JADE1: variants seen among roughly 807,000 people sequenced by gnomAD.
JADE1 encodes the protein jade family PHD finger 1.
Under a neutral mutation model 81.8 loss-of-function variants are expected in JADE1, and 14 were observed. The observed-to-expected ratio is 0.17, with a 90% CI of 0.11 to 0.27. The LOEUF (loss-of-function observed/expected upper bound fraction) is 0.27, where lower values mean the gene tolerates loss of function less well. Among genes scored for constraint, JADE1 ranks in the 10% least tolerant of loss-of-function variants. The probability of loss-of-function intolerance (pLI) is 1.00; values close to 1 mark genes in which losing one functional copy is unlikely to be tolerated. For missense variants in JADE1, 690 were observed against 1,047.9 expected, an observed-to-expected ratio of 0.66 and a Z score of 4.71; for synonymous variants, 353 against 391.9, an observed-to-expected ratio of 0.90 and a Z score of 1.17.
intron 2 of JADE1, among the ~76,000 whole-genome samples, chr4:128,832,118 G>A (rs1728609090): frequency 6.6e-6 from 1 of 152,198 alleles, no homozygotes; most frequent in African/African-American, 2.4e-5. Flanking sequence ...CTTCGCAGTT[G>A]CGCTTTATGA....
chr4:128,858,502 A>G (rs17013844), intron 8 of JADE1, among the ~76,000 whole-genome samples: 3,342 of 152,218 alleles, frequency 0.022, 102 homozygotes, highest in African/African-American at 0.072. Flanking sequence ...CTCCGAGAGC[A>G]TGGTCATCCT....
chr4:128,868,367 T>G (rs1731938215), intron 10 of JADE1, among the ~76,000 whole-genome samples: 1 of 152,350 alleles, frequency 6.6e-6, no homozygotes, highest in African/African-American at 2.4e-5. Flanking sequence ...ATATTCAGCC[T>G]TGGGCTCTAT....
At chr4:128,824,406 A>G (rs1383080609) in intron 1 of JADE1, among the ~76,000 whole-genome samples, 1 of 150,320 alleles carries the variant, frequency 6.7e-6, no homozygotes. Context: ...TGACAGAGCG[A>G]GACTCCAACT....
At chr4:128,845,992 T>G (rs146039711) in intron 3 of JADE1, among the ~76,000 whole-genome samples, 327 of 152,040 alleles carry the variant, frequency 2.2e-3, no homozygotes, top group African/African-American at 7.6e-3. Context: ...ACATGGTTAG[T>G]GGAGTTATAT....
chr4:128,873,151 C>T lies in JADE1; in HGVS notation c.*889C>T, dbSNP rs974482569. ...AGTACAGTGGCTACTCAAGTTCAAG[C>T]GAAGAACTTCCAGACTCTGGTGACT... On this transcript the variant is annotated 3_prime_UTR_variant, in exon 11 of 11. Transcript: ENST00000226319. 100 of 201,404 alleles carry T rather than the reference C, an allele frequency of 5.0e-4. No homozygotes were observed. Among genetic ancestry groups the T allele is most frequent in the Non-Finnish European group, 7.7e-4 (72 of 94,014 alleles). The allele number at this position is 201,404 out of a possible 1,614,324, so 12.5% of individuals were successfully genotyped here.
rs908408482 is a variant in JADE1 at position 128,875,164 on chromosome 4, A to G, written c.*2902A>G. 1 of 152,588 alleles carries G rather than the reference A, an allele frequency of 6.6e-6. No individual in the cohort carries two copies. The highest frequency in any genetic ancestry group is 1.5e-5 in the Non-Finnish European group (1 of 68,020). The allele number at this position is 152,588 out of a possible 1,614,324, so 9.5% of individuals were successfully genotyped here. Reference sequence around the variant, plus strand: ...GACAGCTGTATTTTTTTGTTGAACTATTTAGTAGAATTGTGCCTTTTTGTC... The same window carrying G: ...GACAGCTGTATTTTTTTGTTGAACTGTTTAGTAGAATTGTGCCTTTTTGTC... On this transcript the variant is annotated 3_prime_UTR_variant, in exon 11 of 11. Coordinates refer to ENST00000226319, the MANE Select transcript of JADE1 (RefSeq NM_199320.4).
rs990950874 is a variant in JADE1, at chr4:128,874,135, G to A, written c.*1873G>A. On this transcript the variant is annotated 3_prime_UTR_variant, in exon 11 of 11. Coordinates refer to ENST00000226319, the MANE Select transcript of JADE1 (RefSeq NM_199320.4). ...TAGAAGGTTCTTATGAATCCAAGTT[G>A]TATATTCACTTGTAGGATAATTTAA... is the stretch of plus-strand genomic sequence containing the variant. The A allele has an allele frequency of 6.6e-6, 1 of 152,572 alleles. No individual in the cohort carries two copies. The highest frequency in any genetic ancestry group is 2.4e-5 in the African/African-American group (1 of 41,438). 9.5% of individuals were successfully genotyped at this position (152,572 alleles called of 1,614,324 possible). A position where few individuals can be genotyped will look rare whatever the true frequency, so the allele number is the denominator to read the frequency against.
intron 10 of JADE1, among the ~76,000 whole-genome samples, chr4:128,869,887 T>C (rs1041161732): frequency 1.3e-5 from 2 of 152,234 alleles, no homozygotes; most frequent in East Asian, 1.9e-4. Flanking sequence ...CGTGTTCTTA[T>C]TCATGCCTAA....
chr4:128,811,790 T>C (rs940898810), intron 1 of JADE1: 1 of 150,516 alleles, frequency 6.6e-6, no homozygotes, highest in African/African-American at 2.4e-5. Flanking sequence ...CGCAGGCGTT[T>C]GTTTGTTGGT....
At chr4:128,862,277 A>C in intron 9 of JADE1, 52 bp downstream of exon 9, 3 of 1,609,620 alleles carry the variant, frequency 1.9e-6, no homozygotes, top group Non-Finnish European at 2.5e-6. Context: ...AGATGCAAAG[A>C]GGCGAACGCT....
chr4:128,846,308 C>A lies in JADE1; in HGVS notation c.139-67C>A. 1 of 1,445,046 alleles carries A rather than the reference C, an allele frequency of 6.9e-7. No individual in the cohort carries two copies. Among genetic ancestry groups the A allele is most frequent in the Non-Finnish European group, 9.6e-7 (1 of 1,036,906 alleles). The allele number at this position is 1,445,046 out of a possible 1,614,324, so 89.5% of individuals were successfully genotyped here. On this transcript the variant is annotated intron_variant, in intron 3 of 10. Coordinates refer to ENST00000226319, the MANE Select transcript of JADE1 (RefSeq NM_199320.4). This position sits in a 1 kb window ranked among gnomAD's most constrained non-coding sequence, Gnocchi z 4.0. ...ACATGGCAGCTCCATGGTTACATTG[C>A]AGCTGCCAGCACTCTGAATAAGAAT...
chr4:128,852,597 A>AAGAAC (rs113184157), intron 6 of JADE1, among the ~76,000 whole-genome samples: 22 of 152,376 alleles, frequency 1.4e-4, no homozygotes, highest in African/African-American at 4.8e-4. Flanking sequence ...TTTAGGTATT[A>AAGAAC]AGAACACTGA....
intron 4 of JADE1, among the ~76,000 whole-genome samples, chr4:128,847,808 A>T (rs1729993299): frequency 6.6e-6 from 1 of 151,948 alleles, no homozygotes; most frequent in African/African-American, 2.4e-5. Flanking sequence ...AGATAAAATC[A>T]CTCCCGTAAT....
intron 2 of JADE1, among the ~76,000 whole-genome samples, chr4:128,839,438 T>G (rs1729246711): frequency 6.6e-6 from 1 of 152,214 alleles, no homozygotes; most frequent in African/African-American, 2.4e-5. Flanking sequence ...TTTAATAGCT[T>G]TATTGAGAAA....
chr4:128,812,004 G>C (rs1284190242), intron 1 of JADE1: 1 of 152,104 alleles, frequency 6.6e-6, no homozygotes, highest in Non-Finnish European at 1.5e-5. Flanking sequence ...CGGGGAGGGG[G>C]ACGGCGCGGC....
rs540053306 is a variant in JADE1, at chr4:128,832,699, G to T, written c.52+889G>T. Among the ~76,000 whole-genome samples the T allele has an allele frequency of 1.2e-4, 18 of 152,346 alleles. No homozygotes were observed. The South Asian group carries it at 3.7e-3, about 32-fold the overall frequency. On this transcript the variant is annotated intron_variant, in intron 2 of 10. Transcript: ENST00000226319. ...ACAGATACAGATTCAGAGGAGGGGA[G>T]GGCAGGGAAACCTGCAGAGGAGATG... is the stretch of plus-strand genomic sequence containing the variant.
At chr4:128,812,737 A>G (rs919772332) in intron 1 of JADE1, among the ~76,000 whole-genome samples, 1 of 152,246 alleles carries the variant, frequency 6.6e-6, no homozygotes, top group Non-Finnish European at 1.5e-5. Flanking sequence ...GAGACCGTTT[A>G]AAAGGAGCTT....
chr4:128,831,680 T>C (rs1054125962), intron 1 of JADE1, 53 bp from the exon 2 acceptor site: 3 of 1,495,904 alleles, frequency 2.0e-6, no homozygotes, highest in Non-Finnish European at 2.8e-6. Flanking sequence ...GAAGCACAAC[T>C]TGATGATTGT....
chr4:128,821,339 G>C (rs991492865), intron 1 of JADE1, among the ~76,000 whole-genome samples: 1 of 152,144 alleles, frequency 6.6e-6, no homozygotes, highest in Non-Finnish European at 1.5e-5. Context: ...ATGTGCCTGG[G>C]GGTGTGGAAA....
Sources: gnomAD v4.1 joint callset for allele counts (sites outside exome capture counted in the v4.1 genomes callset) on GRCh38, gnomAD v4.1.1 for gene constraint, Gnocchi (gnomAD v3.1) non-coding constraint, MANE v1.5 for transcripts, NCBI Gene and HGNC (gene_info 2026-07-23, HGNC 2026-07-21) for gene names.